SLC6A15: variants seen among roughly 807,000 people sequenced by gnomAD.
SLC6A15 encodes the protein solute carrier family 6 member 15, also known as sodium-dependent neutral amino acid transporter B(0)AT2.
Under a neutral mutation model 68.5 loss-of-function variants are expected in SLC6A15, and 33 were observed. The observed-to-expected ratio is 0.48, with a 90% CI of 0.37 to 0.64. The LOEUF (loss-of-function observed/expected upper bound fraction) is 0.64, where lower values mean the gene tolerates loss of function less well. SLC6A15 is among the 30% of genes least tolerant of loss of function. SLC6A15 has a pLI of 0.00. For missense variants in SLC6A15, 747 were observed against 874.3 expected (o/e 0.85, Z 1.84); for synonymous variants, 347 against 301.0 (o/e 1.15, Z -1.58).
intron 6 of SLC6A15, 51 bp from the exon 7 acceptor site, chr12:84,873,379 T>C: frequency 6.3e-7 from 1 of 1,581,458 alleles, no homozygotes; most frequent in Non-Finnish European, 8.6e-7. Context: ...TGTTTCAGAA[T>C]AATTAATTTT....
At chr12:84,883,024 A>G in intron 5 of SLC6A15, 1 of 985,260 alleles carries the variant, frequency 1.0e-6, no homozygotes, top group Non-Finnish European at 1.2e-6. Flanking sequence ...GCCTGAAATC[A>G]GTTATACTTT....
Position 84,886,081 on chromosome 12 carries a change from C to A in SLC6A15, c.290-13G>T, listed in dbSNP as rs79889862. On this transcript the variant is annotated splice_polypyrimidine_tract_variant and intron_variant, in intron 2 of 11. Coordinates refer to ENST00000266682, the MANE Select transcript of SLC6A15 (RefSeq NM_182767.6). ...AAAAGATATGCACCTAAAGAAACAA[C>A]AACAAAAAATAGATTATATTTTCAA... The A allele has an allele frequency of 2.0e-6, 3 of 1,534,562 alleles. No homozygotes were observed. The highest frequency in any genetic ancestry group is 1.8e-5 in the Admixed American group (1 of 55,148).
intron 9 of SLC6A15, 77 bp downstream of exon 9, chr12:84,870,401 C>G (rs1337396692): frequency 1.9e-6 from 2 of 1,041,512 alleles, no homozygotes; most frequent in Non-Finnish European, 2.6e-6. Context: ...AGACTTTCCA[C>G]TTTTCATCTC....
At chr12:84,891,049 T>C (rs17787970) in intron 2 of SLC6A15, among the ~76,000 whole-genome samples, 18,766 of 152,138 alleles carry the variant, frequency 0.12, 1,260 homozygotes, top group South Asian at 0.26. Context: ...AGAATTAGCA[T>C]CATATGTAAA....
chr12:84,891,680 C>G, intron 2 of SLC6A15, 152 bp downstream of exon 2: 1 of 769,532 alleles, frequency 1.3e-6, no homozygotes, highest in Non-Finnish European at 2.0e-6. Flanking sequence ...GAAAACATAT[C>G]TGGGCTCACT....
At chr12:84,904,250 A>AGAGAGAGAGAGAGAG (rs58378838) in intron 1 of SLC6A15, among the ~76,000 whole-genome samples, 122 of 149,438 alleles carry the variant, frequency 8.2e-4, no homozygotes, top group East Asian at 9.9e-4. Context: ...AGAGAGAGAG[A>AGAGAGAGAGAGAGAG]AATAGTCTCA....
At chr12:84,901,277 T>C (rs1469835431) in intron 1 of SLC6A15, among the ~76,000 whole-genome samples, 1 of 151,724 alleles carries the variant, frequency 6.6e-6, no homozygotes, top group African/African-American at 2.4e-5. Context: ...AAAAATTCAA[T>C]TCATTTCATT....
At position 84,891,986 on chromosome 12, in the gene SLC6A15, T is replaced by G; in HGVS notation, c.135A>C (p.Glu45Asp). Residue 45 changes from glutamate to aspartate, a missense_variant, in exon 2 of 12, where the codon GAA becomes GAC. Physicochemically the swap from Glu to Asp is conservative, Grantham distance 45. Transcript: ENST00000266682. ...KTSELIVDGQ[E>D]EKDTDVEEGS... The stretch of plus-strand genomic sequence containing the variant: ...CTTCTTCAACATCTGTATCTTTCTC[T>G]TCCTGGCCATCAACAATTAGTTCAC... The G allele has an allele frequency of 6.2e-7, 1 of 1,614,064 alleles. No individual in the cohort carries two copies. Among genetic ancestry groups the G allele is most frequent in the Non-Finnish European group, 8.5e-7 (1 of 1,180,002 alleles).
At position 84,861,869 on chromosome 12, in the gene SLC6A15, T is replaced by A. The variant is rs1870866020; in HGVS notation, c.1956A>T (p.Leu652Phe). The change falls in exon 12 of 12, where the codon TTA (leucine) becomes TTT (phenylalanine). Residue 652 changes from leucine (L) to phenylalanine (F), a missense_variant. Transcript: ENST00000266682. ...TTCCTCTCTTATAGGTCACAGATGC[T>A]AAATTACCAGAACTATCATCTATAA... ...FNLIDDSSGNLASVTYKRGRV... is the reference protein window; with the variant it reads ...FNLIDDSSGNFASVTYKRGRV... The A allele has an allele frequency of 1.9e-6, 3 of 1,613,962 alleles. No homozygotes were observed. Among genetic ancestry groups the A allele is most frequent in the Non-Finnish European group, 2.5e-6 (3 of 1,179,912 alleles).
intron 2 of SLC6A15, among the ~76,000 whole-genome samples, chr12:84,887,693 C>T (rs570208390): frequency 9.9e-5 from 15 of 151,892 alleles, no homozygotes; most frequent in East Asian, 7.7e-4. Flanking sequence ...ATTTTTTATA[C>T]GCATGTGAAT....
Position 84,872,653 on chromosome 12 carries a change from C to G in SLC6A15, c.1251G>C (p.Glu417Asp). Residue 417 changes from glutamate to aspartate, a missense_variant, in exon 8 of 12, where the codon GAG becomes GAC. Coordinates refer to ENST00000266682, the MANE Select transcript of SLC6A15 (RefSeq NM_182767.6). The stretch of plus-strand genomic sequence containing the variant: ...AGGAATTGAGATGAAGAGCAGGAAA[C>G]TCTTCTTCTTTCACTTTTTGAATGA... ...YDIIQKVKEE[E>D]FPALHLNSCK... The G allele has an allele frequency of 6.2e-7, 1 of 1,611,316 alleles. No homozygotes were observed. The highest frequency in any genetic ancestry group is 8.5e-7 in the Non-Finnish European group (1 of 1,179,422).
At chr12:84,889,711 TC>T (rs1421273574) in intron 2 of SLC6A15, among the ~76,000 whole-genome samples, 1 of 152,044 alleles carries the variant, frequency 6.6e-6, no homozygotes, top group African/African-American at 2.4e-5. Context: ...CTTATAAGAA[TC>T]CTTGGAGATA....
chr12:84,888,467 T>A (rs915310236), intron 2 of SLC6A15, among the ~76,000 whole-genome samples: 2 of 152,044 alleles, frequency 1.3e-5, no homozygotes, highest in Admixed American at 1.3e-4. Flanking sequence ...CATATTAAAT[T>A]GAATGGAGCT....
chr12:84,885,871 C>A, intron 3 of SLC6A15, 40 bp downstream of exon 3: 1 of 1,541,356 alleles, frequency 6.5e-7, no homozygotes, highest in Non-Finnish European at 8.7e-7. Flanking sequence ...ATTTGAAACC[C>A]TATAAAGATT....
In SLC6A15 at chr12:84,863,575, A is replaced by G; in HGVS notation, c.1682T>C (p.Leu561Pro). 6.4e-7 allele frequency: 1 copy of G among 1,566,272 alleles called. No individual in the cohort carries two copies. Among genetic ancestry groups the G allele is most frequent in the Non-Finnish European group, 8.6e-7 (1 of 1,164,610 alleles). Reference protein sequence around the residue: ...DKFMEDLKDMLGFAPSRYYYY... With the variant: ...DKFMEDLKDMPGFAPSRYYYY... The stretch of plus-strand genomic sequence containing the variant: ...GTAATATCTGCTGGGAGCAAAGCCC[A>G]GCATATCTTTTAGGTCTTCCATAAA... The change falls in exon 11 of 12, where the codon CTG (leucine) becomes CCG (proline). Residue 561 changes from leucine to proline, a missense_variant. Leu to Pro is a moderately conservative substitution (Grantham distance 98). Transcript: ENST00000266682.
At chr12:84,864,560 T>A (rs577968294) in intron 10 of SLC6A15, among the ~76,000 whole-genome samples, 1 of 152,208 alleles carries the variant, frequency 6.6e-6, no homozygotes, top group East Asian at 1.9e-4. Flanking sequence ...CCTCAAGTGA[T>A]CTGCCCACCT....
chr12:84,878,044 G>C lies in SLC6A15; in HGVS notation c.757-1437C>G, dbSNP rs538421632. On this transcript the variant is annotated intron_variant, in intron 5 of 11. Coordinates refer to ENST00000266682, the MANE Select transcript of SLC6A15 (RefSeq NM_182767.6). ...TGCTTCCGGGCAGGTAAAAGATACT[G>C]AATTCAATAATAACTACAAACAACA... is the stretch of plus-strand genomic sequence containing the variant. Among the ~76,000 whole-genome samples the C allele has an allele frequency of 2.8e-4, 43 of 152,120 alleles. No individual in the cohort carries two copies. In the South Asian group the frequency reaches 9.0e-3, roughly 32 times the overall value.
chr12:84,892,025 A>G lies in SLC6A15; in HGVS notation c.96T>C (p.Asp32=), dbSNP rs768243450. Residue 32 remains aspartate, a synonymous_variant, in exon 2 of 12, where the codon GAT becomes GAC. Transcript: ENST00000266682. Reference sequence around the variant, plus strand: ...CAATTAGTTCACTTGTCTTAAAAGCATCATCAGCTGCGTCTTCATTGGAAA... The same window carrying G: ...CAATTAGTTCACTTGTCTTAAAAGCGTCATCAGCTGCGTCTTCATTGGAAA... ...DLLSNEDAAD[D]AFKTSELIVD... 8 of 1,613,874 alleles carry G rather than the reference A, an allele frequency of 5.0e-6. No individual in the cohort carries two copies. In the African/African-American group the frequency reaches 1.1e-4, roughly 22 times the overall value.
chr12:84,862,632 T>C (rs933225655), intron 11 of SLC6A15, among the ~76,000 whole-genome samples: 1 of 152,214 alleles, frequency 6.6e-6, no homozygotes, highest in Non-Finnish European at 1.5e-5. Flanking sequence ...GATTTCATTA[T>C]TATTCAGCTT....
Sources: gnomAD v4.1 joint callset for allele counts (sites outside exome capture counted in the v4.1 genomes callset) on GRCh38, gnomAD v4.1.1 for gene constraint, MANE v1.5 for transcripts, NCBI Gene and HGNC (gene_info 2026-07-23, HGNC 2026-07-21) for gene names.